WDR49: variants seen among roughly 807,000 people sequenced by gnomAD.
The protein encoded by WDR49 is WD repeat domain 49.
WDR49 carries 107 observed loss-of-function variants against 119.5 expected under a neutral mutation model. That is an observed-to-expected ratio of 0.90 (90% CI 0.77 to 1.05). WDR49 has a LOEUF of 1.05. WDR49 is among the 50% of genes least tolerant of loss of function. The pLI is 0.00. For synonymous variants in WDR49, 425 were observed against 418.8 expected (o/e 1.01, Z -0.18); for missense variants, 1,240 against 1,220.5 (o/e 1.02, Z -0.24).
At chr3:167,635,692 C>A (rs1308583338) in intron 2 of WDR49, among the ~76,000 whole-genome samples, 2 of 151,668 alleles carry the variant, frequency 1.3e-5, no homozygotes, top group South Asian at 4.1e-4. Context: ...TAGCATTTCA[C>A]TGACCCGAGG....
intron 11 of WDR49, among the ~76,000 whole-genome samples, chr3:167,533,607 G>GT (rs1353410768): frequency 6.6e-6 from 1 of 151,910 alleles, no homozygotes; most frequent in Non-Finnish European, 1.5e-5. Context: ...ACTGAATATT[G>GT]TCTTTATTGA....
rs1458068105 is a variant in WDR49, at chr3:167,500,140, G to C, written c.3031+13C>G. On this transcript the variant is annotated intron_variant, in intron 18 of 18. Coordinates refer to ENST00000682715, the MANE Select transcript of WDR49 (RefSeq NM_001366157.1). ...AGAGGGATAATAGAGGTGTATGATG[G>C]CTGAGAACTTACTTTTAAAAAGTGA... 1 of 1,554,310 alleles carries C rather than the reference G, an allele frequency of 6.4e-7. No homozygotes were observed. The highest frequency in any genetic ancestry group is 2.3e-5 in the Admixed American group (1 of 44,286).
At chr3:167,538,246 T>A (rs1711577397) in intron 10 of WDR49, among the ~76,000 whole-genome samples, 1 of 152,098 alleles carries the variant, frequency 6.6e-6, no homozygotes, top group African/African-American at 2.4e-5. Context: ...AATGCTTCCA[T>A]CTGCAAAAGA....
intron 16 of WDR49, among the ~76,000 whole-genome samples, chr3:167,514,906 AC>A (rs1752140904): frequency 6.6e-6 from 1 of 152,178 alleles, no homozygotes; most frequent in Non-Finnish European, 1.5e-5. Context: ...ATTCCTGGAC[AC>A]AAACACCCTC....
chr3:167,625,827 T>C (rs1257359065), intron 3 of WDR49, among the ~76,000 whole-genome samples: 8 of 151,124 alleles, frequency 5.3e-5, no homozygotes, highest in Non-Finnish European at 8.8e-5. Context: ...AACAACACCA[T>C]GTAGACACAA....
intron 15 of WDR49, among the ~76,000 whole-genome samples, chr3:167,524,228 C>T (rs1752556010): frequency 1.3e-5 from 2 of 152,082 alleles, no homozygotes; most frequent in African/African-American, 4.8e-5. Context: ...CCTTCACTCA[C>T]GTTTCGATGA....
intron 18 of WDR49, among the ~76,000 whole-genome samples, chr3:167,494,856 T>C (rs1751289169): frequency 6.6e-6 from 1 of 152,104 alleles, no homozygotes; most frequent in African/African-American, 2.4e-5. Context: ...TTCTGCAGTT[T>C]TGCAGTACGT....
chr3:167,592,649 G>A (rs930701259), intron 7 of WDR49, among the ~76,000 whole-genome samples: 3 of 151,916 alleles, frequency 2.0e-5, no homozygotes, highest in Non-Finnish European at 4.4e-5. Context: ...TGGGCAGGAC[G>A]GTCTCCATCT....
intron 7 of WDR49, among the ~76,000 whole-genome samples, chr3:167,598,229 T>C (rs186510469): frequency 3.4e-4 from 51 of 151,258 alleles, no homozygotes; most frequent in African/African-American, 1.2e-3. Context: ...TGCTCGAACC[T>C]AGGAGGCAGA....
intron 2 of WDR49, among the ~76,000 whole-genome samples, chr3:167,646,578 T>A (rs539769113): frequency 6.6e-6 from 1 of 152,356 alleles, no homozygotes; most frequent in African/African-American, 2.4e-5. Context: ...GTATAGTAGC[T>A]ACTGCGTACT....
intron 8 of WDR49, among the ~76,000 whole-genome samples, chr3:167,573,431 A>ACACACAC (rs1560292556): frequency 3.9e-5 from 5 of 128,672 alleles, no homozygotes; most frequent in Middle Eastern, 7.0e-3. Context: ...CACACACACA[A>ACACACAC]CACAAATAGA....
intron 18 of WDR49, among the ~76,000 whole-genome samples, chr3:167,484,192 A>G (rs1750832809): frequency 6.6e-6 from 1 of 152,182 alleles, no homozygotes; most frequent in Non-Finnish European, 1.5e-5. Context: ...TTGCAAATGT[A>G]GTTCAAGTCC....
At chr3:167,528,528 TAAATAAAATAAAATA>T (rs10675052) in intron 14 of WDR49, among the ~76,000 whole-genome samples, 93 of 148,036 alleles carry the variant, frequency 6.3e-4, no homozygotes, top group South Asian at 1.1e-3. Context: ...AAAAGTAAAA[TAAATAAAATAAAATA>T]AAATAAAATA....
chr3:167,554,863 A>G lies in WDR49; in HGVS notation c.1675-65T>C, dbSNP rs1215776411. On this transcript the variant is annotated intron_variant, in intron 9 of 18. Coordinates refer to ENST00000682715, the MANE Select transcript of WDR49 (RefSeq NM_001366157.1). ...TAAACTTTTTATATTCTGAACCAGG[A>G]TTAATTCATTTAGGATATGTAATCA... 3 of 1,195,868 alleles carry G rather than the reference A, an allele frequency of 2.5e-6. No individual in the cohort carries two copies. In the African/African-American group the frequency reaches 4.7e-5, roughly 19 times the overall value. The allele number at this position is 1,195,868 out of a possible 1,614,324, so 74.1% of individuals were successfully genotyped here.
At chr3:167,507,945 AG>A (rs1751837382) in intron 16 of WDR49, among the ~76,000 whole-genome samples, 1 of 150,806 alleles carries the variant, frequency 6.6e-6, no homozygotes, top group Non-Finnish European at 1.5e-5. Context: ...AAGACAAAGA[AG>A]CAGAATAATG....
chr3:167,628,338 T>A (rs184562870), intron 2 of WDR49, among the ~76,000 whole-genome samples: 1 of 152,094 alleles, frequency 6.6e-6, no homozygotes, highest in African/African-American at 2.4e-5. Context: ...TGAGAGAGGC[T>A]GAAAACTAGG....
chr3:167,646,470 G>A (rs977847866), intron 2 of WDR49, among the ~76,000 whole-genome samples: 1 of 152,142 alleles, frequency 6.6e-6, no homozygotes, highest in Non-Finnish European at 1.5e-5. Context: ...TGAGGAAGCA[G>A]AACAAGTTAG....
At chr3:167,490,136 C>T (rs1238552878) in intron 18 of WDR49, among the ~76,000 whole-genome samples, 1 of 152,036 alleles carries the variant, frequency 6.6e-6, no homozygotes, top group African/African-American at 2.4e-5. Flanking sequence ...AACAAACAGG[C>T]AACAAAGCAA....
At chr3:167,507,612 AT>A (rs142476242) in intron 16 of WDR49, among the ~76,000 whole-genome samples, 3 of 151,682 alleles carry the variant, frequency 2.0e-5, no homozygotes, top group Non-Finnish European at 4.4e-5. Context: ...ATATATCTTG[AT>A]TTTTTTTTCC....
Sources: gnomAD v4.1 joint callset for allele counts (sites outside exome capture counted in the v4.1 genomes callset) on GRCh38, gnomAD v4.1.1 for gene constraint, MANE v1.5 for transcripts, NCBI Gene and HGNC (gene_info 2026-07-23, HGNC 2026-07-21) for gene names.